The following RAB28 variants were observed in gnomAD, a reference collection of about 807,000 sequenced individuals.
The protein encoded by RAB28 is ras-related protein Rab-28.
In RAB28, 24 loss-of-function variants were observed where a neutral mutation model predicts 31.7. That is an observed-to-expected ratio of 0.76 (90% CI 0.55 to 1.06). RAB28 has a LOEUF of 1.06. Ranked by LOEUF, RAB28 falls within the 50% of genes least tolerant of loss-of-function variation. The pLI, the probability that RAB28 is intolerant of heterozygous loss-of-function variation, is 0.00. For missense variants in RAB28, 254 were observed against 258.5 expected (o/e 0.98, Z 0.12); for synonymous variants, 100 against 90.4 (o/e 1.11, Z -0.60).
At chr4:13,407,013 T>A (rs1032215492) in intron 4 of RAB28, among the ~76,000 whole-genome samples, 2 of 152,216 alleles carry the variant, frequency 1.3e-5, no homozygotes, top group African/African-American at 2.4e-5. Context: ...TTAGATCACA[T>A]TTGTCAATTT....
chr4:13,456,423 T>C (rs1180999035), intron 4 of RAB28, among the ~76,000 whole-genome samples: 1 of 152,254 alleles, frequency 6.6e-6, no homozygotes, highest in Non-Finnish European at 1.5e-5. Context: ...GCACTTACTA[T>C]GCAAAAGACC....
intron 4 of RAB28, among the ~76,000 whole-genome samples, chr4:13,415,857 G>A (rs547724512): frequency 4.6e-5 from 7 of 152,354 alleles, no homozygotes; most frequent in African/African-American, 1.4e-4. Context: ...TGACTGGTGG[G>A]GACTTGGAGA....
rs1716364620 is a variant in RAB28 at position 13,476,483 on chromosome 4, AATG to A, written c.173-2080_173-2078del. ...AAAATGACTATCTTTAGTTTCAATA[AATG>A]ATATTTTAATATTACTTCTTATATC... On this transcript the variant is annotated intron_variant, in intron 2 of 6. Coordinates refer to ENST00000330852, the MANE Select transcript of RAB28 (RefSeq NM_001017979.3). Among the ~76,000 whole-genome samples the A allele has an allele frequency of 3.3e-5, 5 of 151,726 alleles. No homozygotes were observed. The South Asian group carries it at 1.0e-3, about 31-fold the overall frequency.
Position 13,484,317 on chromosome 4 carries a change from C to A in RAB28, c.-167G>T. ...AGGAGAATCACTCGGCAAGCGCCAT[C>A]TTGCCCACCTCCCCGCCCTCTGCGC... On this transcript the variant is annotated 5_prime_UTR_variant, in exon 1 of 7. Transcript: ENST00000330852. 1.6e-6 allele frequency: 1 copy of A among 610,520 alleles called. No homozygotes were observed. The highest frequency in any genetic ancestry group is 3.0e-6 in the Non-Finnish European group (1 of 332,850). 37.8% of individuals were successfully genotyped at this position (610,520 alleles called of 1,614,324 possible).
intron 4 of RAB28, among the ~76,000 whole-genome samples, chr4:13,398,487 TA>T (rs1487745309): frequency 6.6e-6 from 1 of 152,126 alleles, no homozygotes; most frequent in Non-Finnish European, 1.5e-5. Flanking sequence ...CAAGCCACAG[TA>T]AGACTGTCGG....
chr4:13,443,959 A>T (rs2108944040), intron 4 of RAB28, among the ~76,000 whole-genome samples: 1 of 150,570 alleles, frequency 6.6e-6, no homozygotes, highest in Admixed American at 6.6e-5. Context: ...TGCCTGGCTT[A>T]TTTTACTTAG....
chr4:13,439,321 T>A (rs1229306408), intron 4 of RAB28, among the ~76,000 whole-genome samples: 1 of 152,208 alleles, frequency 6.6e-6, no homozygotes, highest in Non-Finnish European at 1.5e-5. Flanking sequence ...TTTAAGTATT[T>A]AAGACACTTG....
At chr4:13,442,241 G>A (rs958106391) in intron 4 of RAB28, among the ~76,000 whole-genome samples, 2 of 152,068 alleles carry the variant, frequency 1.3e-5, no homozygotes, top group African/African-American at 4.8e-5. Context: ...CTTTCCATTT[G>A]TTGTAAGAAG....
intron 4 of RAB28, among the ~76,000 whole-genome samples, chr4:13,401,980 T>C (rs190196694): frequency 6.6e-6 from 1 of 152,342 alleles, no homozygotes; most frequent in African/African-American, 2.4e-5. Context: ...TTTATTTTTG[T>C]TCAATTCAAT....
chr4:13,480,236 A>T (rs1249703769), intron 1 of RAB28, among the ~76,000 whole-genome samples: 1 of 151,792 alleles, frequency 6.6e-6, no homozygotes, highest in East Asian at 1.9e-4. Flanking sequence ...TTTTAGTCAA[A>T]AACTCTGGAG....
chr4:13,398,409 T>C (rs920587576), intron 4 of RAB28, among the ~76,000 whole-genome samples: 2 of 152,082 alleles, frequency 1.3e-5, no homozygotes, highest in Non-Finnish European at 2.9e-5. Flanking sequence ...ATACATAGAA[T>C]TGCATAAAAA....
chr4:13,399,650 T>A (rs1711633066), intron 4 of RAB28, among the ~76,000 whole-genome samples: 1 of 152,220 alleles, frequency 6.6e-6, no homozygotes, highest in Admixed American at 6.5e-5. Context: ...AATCTCATGA[T>A]CTTATTTTGC....
intron 4 of RAB28, among the ~76,000 whole-genome samples, chr4:13,446,604 G>T (rs367694223): frequency 6.6e-6 from 1 of 152,282 alleles, no homozygotes; most frequent in South Asian, 2.1e-4. Flanking sequence ...CTGGGGGAGG[G>T]GGATCCCGGC....
At chr4:13,371,830 T>G in intron 6 of RAB28, 1 of 1,547,602 alleles carries the variant, frequency 6.5e-7, no homozygotes, top group Non-Finnish European at 8.7e-7. Flanking sequence ...ACTCGATTAT[T>G]CTCTATTAGT....
At chr4:13,470,248 A>C (rs1560145314) in intron 3 of RAB28, among the ~76,000 whole-genome samples, 1 of 152,118 alleles carries the variant, frequency 6.6e-6, no homozygotes, top group Non-Finnish European at 1.5e-5. Flanking sequence ...AGATTATATA[A>C]TAGCCATAAC....
rs535370206 is a variant in RAB28, at chr4:13,421,873, A to T, written c.391+38826T>A. Reference sequence around the variant, plus strand: ...CTTCGTGACTAAAACACCAAAAGCGATGGCAGCAAAAGCCAAAATTGACAA... The same window carrying T: ...CTTCGTGACTAAAACACCAAAAGCGTTGGCAGCAAAAGCCAAAATTGACAA... On this transcript the variant is annotated intron_variant, in intron 4 of 6. Coordinates refer to ENST00000330852, the MANE Select transcript of RAB28 (RefSeq NM_001017979.3). Among the ~76,000 whole-genome samples the T allele has an allele frequency of 1.3e-4, 20 of 152,330 alleles. No homozygotes were observed. The South Asian group carries it at 3.3e-3, about 25-fold the overall frequency.
chr4:13,388,006 C>G (rs756500900), intron 4 of RAB28, among the ~76,000 whole-genome samples: 8 of 151,922 alleles, frequency 5.3e-5, no homozygotes, highest in Admixed American at 5.2e-4. Flanking sequence ...TATTTTGTAA[C>G]CCAGTGTCAA....
chr4:13,459,767 T>TTTGTATTGAATTGTA (rs1411420275), intron 4 of RAB28: 3 of 1,109,268 alleles, frequency 2.7e-6, no homozygotes, highest in Non-Finnish European at 3.4e-6. Flanking sequence ...ACAATGCATA[T>TTTGTATTGAATTGTA]AAAATTCCAA....
intron 6 of RAB28, among the ~76,000 whole-genome samples, chr4:13,369,551 G>A (rs541756480): frequency 1.3e-5 from 2 of 152,096 alleles, no homozygotes; most frequent in East Asian, 1.9e-4. Flanking sequence ...GCTATTTCAG[G>A]AAAAATGGTA....
Sources: gnomAD v4.1 joint callset for allele counts (sites outside exome capture counted in the v4.1 genomes callset) on GRCh38, gnomAD v4.1.1 for gene constraint, MANE v1.5 for transcripts, NCBI Gene and HGNC (gene_info 2026-07-23, HGNC 2026-07-21) for gene names.